Variants in HSDL1 observed in about 807,000 individuals in gnomAD.
HSDL1 encodes hydroxysteroid dehydrogenase like 1.
Under a neutral mutation model 31.5 loss-of-function variants are expected in HSDL1, and 29 were observed. The ratio of observed to expected loss-of-function variants is 0.92; its 90% CI spans 0.69 to 1.26. HSDL1 has a LOEUF of 1.26. HSDL1 is among the 50% of genes most tolerant of loss of function. The pLI is 0.00. For synonymous variants in HSDL1, 222 were observed against 155.2 expected (o/e 1.43, Z -3.20); for missense variants, 503 against 416.6 (o/e 1.21, Z -1.81).
At chr16:84,129,080 A>T (rs1055244820) in intron 5 of HSDL1, among the ~76,000 whole-genome samples, 2 of 152,164 alleles carry the variant, frequency 1.3e-5, no homozygotes, top group African/African-American at 2.4e-5. Context: ...ATAATTTCAC[A>T]AAAGAAAATT....
intron 1 of HSDL1, among the ~76,000 whole-genome samples, chr16:84,135,990 C>G (rs1194196784): frequency 6.6e-6 from 1 of 152,252 alleles, no homozygotes; most frequent in African/African-American, 2.4e-5. Flanking sequence ...CACAGCTGTC[C>G]TCGGTGCCTT....
rs967245523 is a variant in HSDL1 at position 84,124,431 on chromosome 16, T to C, written c.*199A>G. The C allele has an allele frequency of 4.1e-6, 2 of 486,906 alleles. No individual in the cohort carries two copies. The highest frequency in any genetic ancestry group is 1.9e-5 in the African/African-American group (1 of 51,382). The allele number at this position is 486,906 out of a possible 1,614,324, so 30.2% of individuals were successfully genotyped here. A position where few individuals can be genotyped will look rare whatever the true frequency, so the allele number is the denominator to read the frequency against. On this transcript the variant is annotated 3_prime_UTR_variant, in exon 6 of 6. Transcript: ENST00000219439. ...TGTCGTCAATCAGCCTCAGGCATTA[T>C]TGATCCTGTGCCATCCACACACCCT...
In HSDL1 at chr16:84,123,471, G is replaced by C. The variant is rs1379234530; in HGVS notation, c.*1159C>G. 6.6e-6 allele frequency: 1 copy of C among 152,164 alleles called. No individual in the cohort carries two copies. The highest frequency in any genetic ancestry group is 1.5e-5 in the Non-Finnish European group (1 of 68,042). 9.4% of individuals were successfully genotyped at this position (152,164 alleles called of 1,614,324 possible). A position where few individuals can be genotyped will look rare whatever the true frequency, so the allele number is the denominator to read the frequency against. The stretch of plus-strand genomic sequence containing the variant: ...TGACCCAAACTAAGGACATTTCACA[G>C]GTTTCAATGTTAACGCGTATTGTGA... On this transcript the variant is annotated 3_prime_UTR_variant, in exon 6 of 6. Transcript: ENST00000219439.
intron 1 of HSDL1, among the ~76,000 whole-genome samples, chr16:84,141,930 T>C (rs2086772929): frequency 6.6e-6 from 1 of 152,186 alleles, no homozygotes; most frequent in Admixed American, 6.5e-5. Flanking sequence ...GAACTAAATG[T>C]GTTGTTATTA....
rs147082744 is a variant in HSDL1 at position 84,125,452 on chromosome 16, A to G, written c.895-724T>C. Among the ~76,000 whole-genome samples, 272 of 148,492 alleles carry G rather than the reference A, an allele frequency of 1.8e-3. 1 individual carries two copies. Among genetic ancestry groups the G allele is most frequent in the Non-Finnish European group, 3.2e-3 (211 of 65,860 alleles). ...TCACAATAAATACCCACCAATCACA[A>G]TACCCACCAATCAATCACAATAAAT... On this transcript the variant is annotated intron_variant, in intron 5 of 5. Coordinates refer to ENST00000219439, the MANE Select transcript of HSDL1 (RefSeq NM_031463.5).
rs1008653031 is a variant in HSDL1 at position 84,131,109 on chromosome 16, A to G, written c.213T>C (p.Val71=). 6.2e-7 allele frequency: 1 copy of G among 1,607,390 alleles called. No homozygotes were observed. The highest frequency in any genetic ancestry group is 1.3e-5 in the African/African-American group (1 of 74,918). The change falls in exon 3 of 6, where the codon GTT becomes GTC. Residue 71 remains valine, a synonymous_variant. Coordinates refer to ENST00000219439, the MANE Select transcript of HSDL1 (RefSeq NM_031463.5). ...DLIKQYGRWA[V]VSGATDGIGK... ...GATTATAAAGTAGGTTACCGCTGAC[A>G]ACGGCCCATCTTCCATACTGCTTGA...
Position 84,124,860 on chromosome 16 carries a change from C to CCAAT in HSDL1, c.895-136_895-133dup, listed in dbSNP as rs375787875. 1.8e-4 allele frequency: 109 copies of CCAAT among 591,278 alleles called. 1 individual carries two copies. The highest frequency in any genetic ancestry group is 5.5e-4 in the South Asian group (28 of 51,152). 36.6% of individuals were successfully genotyped at this position (591,278 alleles called of 1,614,324 possible). A position where few individuals can be genotyped will look rare whatever the true frequency, so the allele number is the denominator to read the frequency against. ...ACCAATCAATCACAACAAATACCCA[C>CCAAT]CAATCACAACAAATACCCACCAATC... On this transcript the variant is annotated intron_variant, in intron 5 of 5. Transcript: ENST00000219439.
At chr16:84,132,139 C>T (rs1395138013) in intron 2 of HSDL1, among the ~76,000 whole-genome samples, 1 of 152,232 alleles carries the variant, frequency 6.6e-6, no homozygotes, top group Non-Finnish European at 1.5e-5. Flanking sequence ...ACACAATATG[C>T]TCTGTGCCTG....
Position 84,130,133 on chromosome 16 carries a change from G to C in HSDL1, c.519C>G (p.Ile173Met), listed in dbSNP as rs773137219. The change falls in exon 4 of 6, where the codon ATC becomes ATG. Residue 173 changes from isoleucine to methionine, a missense_variant. By Grantham distance (10) the Ile-to-Met change is conservative. Transcript: ENST00000219439. ...TAGCGGCGGCAATGTTCACATTTAT[G>C]ATGTCCCAGAGCTTGTCCTCGGACA... Reference protein sequence around the residue: ...TQLSEDKLWDIINVNIAAASL... With the variant: ...TQLSEDKLWDMINVNIAAASL... 2.5e-6 allele frequency: 4 copies of C among 1,614,156 alleles called. No individual in the cohort carries two copies. In the African/African-American group the frequency reaches 4.0e-5, roughly 16 times the overall value.
Position 84,130,356 on chromosome 16 carries a change from C to T in HSDL1, c.296G>A (p.Arg99Gln), listed in dbSNP as rs747743787. ...AACAACCTGCAACTTCTCCTCGTTC[C>T]GACTAATCAGGATTATATTGAGACC... ...SRGLNIILISRNEEKLQVVAK... is the reference protein window; with the variant it reads ...SRGLNIILISQNEEKLQVVAK... Residue 99 changes from arginine (R) to glutamine (Q), a missense_variant, in exon 4 of 6, where the codon CGG (arginine) becomes CAG (glutamine). Arg to Gln is a conservative substitution (Grantham distance 43). Coordinates refer to ENST00000219439, the MANE Select transcript of HSDL1 (RefSeq NM_031463.5). 6.8e-6 allele frequency: 11 copies of T among 1,614,050 alleles called. No homozygotes were observed. Among genetic ancestry groups the T allele is most frequent in the East Asian group, 2.2e-5 (1 of 44,904 alleles).
rs199873518 is a variant in HSDL1, at chr16:84,131,359, T to A, written c.-6-32A>T. 7.4e-4 allele frequency: 1,069 copies of A among 1,449,378 alleles called. No homozygotes were observed. Among genetic ancestry groups the A allele is most frequent in the Non-Finnish European group, 9.5e-4 (981 of 1,031,676 alleles). 89.8% of individuals were successfully genotyped at this position (1,449,378 alleles called of 1,614,324 possible). A position where few individuals can be genotyped will look rare whatever the true frequency, so the allele number is the denominator to read the frequency against. ...GGAGAGGGAAAGAGAGAGAGCCTCT[T>A]TGATTAATAAATTAAAGGAACATAC... On this transcript the variant is annotated intron_variant, in intron 2 of 5. Coordinates refer to ENST00000219439, the MANE Select transcript of HSDL1 (RefSeq NM_031463.5).
At chr16:84,133,057 G>A (rs938767707) in intron 2 of HSDL1, among the ~76,000 whole-genome samples, 4 of 150,662 alleles carry the variant, frequency 2.7e-5, no homozygotes, top group Non-Finnish European at 5.9e-5. Context: ...GAGAAAGAAT[G>A]GGGAATTCCC....
chr16:84,134,539 C>A (rs551975113), intron 2 of HSDL1, among the ~76,000 whole-genome samples: 1 of 152,084 alleles, frequency 6.6e-6, no homozygotes, highest in Middle Eastern at 3.4e-3. Flanking sequence ...TTGAATCAAG[C>A]AGGCGGAAGT....
intron 1 of HSDL1, among the ~76,000 whole-genome samples, chr16:84,142,430 CTTTT>C (rs34954052): frequency 6.1e-5 from 5 of 81,408 alleles, no homozygotes; most frequent in Non-Finnish European, 8.2e-5. Context: ...TCTCACACAT[CTTTT>C]TTTTTTTTTT....
intron 2 of HSDL1, among the ~76,000 whole-genome samples, chr16:84,134,183 C>T (rs1379630609): frequency 2.6e-5 from 4 of 152,158 alleles, no homozygotes; most frequent in Admixed American, 2.6e-4. Flanking sequence ...CGCGCCACCA[C>T]CCCTCCCACA....
Position 84,124,185 on chromosome 16 carries a change from T to C in HSDL1, c.*445A>G. The C allele has an allele frequency of 6.1e-6, 1 of 164,850 alleles. No individual in the cohort carries two copies. Among genetic ancestry groups the C allele is most frequent in the Non-Finnish European group, 1.3e-5 (1 of 75,168 alleles). 10.2% of individuals were successfully genotyped at this position (164,850 alleles called of 1,614,324 possible). A position where few individuals can be genotyped will look rare whatever the true frequency, so the allele number is the denominator to read the frequency against. On this transcript the variant is annotated 3_prime_UTR_variant, in exon 6 of 6. Coordinates refer to ENST00000219439, the MANE Select transcript of HSDL1 (RefSeq NM_031463.5). The stretch of plus-strand genomic sequence containing the variant: ...AGATTTTTCCTAATAGTACCAGCAA[T>C]CTTAGTTACAAAATAATACTTTTCA...
intron 2 of HSDL1, among the ~76,000 whole-genome samples, chr16:84,134,181 C>A (rs748517323): frequency 1.4e-4 from 21 of 152,078 alleles, no homozygotes; most frequent in Non-Finnish European, 2.9e-4. Flanking sequence ...GCCGCGCCAC[C>A]ACCCCTCCCA....
chr16:84,131,407 G>C (rs1326956498), intron 2 of HSDL1, 80 bp from the exon 3 acceptor site: 1 of 946,426 alleles, frequency 1.1e-6, no homozygotes, highest in Non-Finnish European at 1.7e-6. Flanking sequence ...AAGACATCCA[G>C]CTGAGGGCAT....
intron 1 of HSDL1, among the ~76,000 whole-genome samples, chr16:84,136,077 C>T (rs1007742967): frequency 6.6e-6 from 1 of 152,242 alleles, no homozygotes; most frequent in African/African-American, 2.4e-5. Flanking sequence ...TCAGCTCCAC[C>T]TGCAGCGTTC....
Sources: gnomAD v4.1 joint callset for allele counts (sites outside exome capture counted in the v4.1 genomes callset) on GRCh38, gnomAD v4.1.1 for gene constraint, MANE v1.5 for transcripts, NCBI Gene and HGNC (gene_info 2026-07-23, HGNC 2026-07-21) for gene names.